PACRG: variants seen among roughly 807,000 people sequenced by gnomAD.
PACRG encodes the protein parkin coregulated gene protein.
A neutral mutation model predicts 29.7 loss-of-function variants in PACRG; 29 were observed. That is an observed-to-expected ratio of 0.98 (90% CI 0.73 to 1.33). PACRG has a LOEUF of 1.33. Among genes scored for constraint, PACRG ranks in the 40% most tolerant of loss-of-function variants. The pLI is 0.00. For missense variants in PACRG, 279 were observed against 316.2 expected, an observed-to-expected ratio of 0.88 and a Z score of 0.89; for synonymous variants, 116 against 118.7, an observed-to-expected ratio of 0.98 and a Z score of 0.15.
In PACRG at chr6:163,062,168, G is replaced by T; in HGVS notation, c.310G>T (p.Asp104Tyr). 2 of 1,614,014 alleles carry T rather than the reference G, an allele frequency of 1.2e-6. No individual in the cohort carries two copies. Among genetic ancestry groups the T allele is most frequent in the South Asian group, 1.1e-5 (1 of 91,044 alleles). ...CTTTCAGGTAGAAATTGAGAAGCTG[G>T]ATTACCATCATTATCTGCCTCTGTT... is the stretch of plus-strand genomic sequence containing the variant. ...IAWKVEIEKLDYHHYLPLFFD... is the reference protein window; with the variant it reads ...IAWKVEIEKLYYHHYLPLFFD... Residue 104 changes from aspartate to tyrosine, a missense_variant, in exon 3 of 5, where the codon GAT becomes TAT. By Grantham distance (160) the Asp-to-Tyr change is radical. Coordinates refer to ENST00000366888, the MANE Select transcript of PACRG (RefSeq NM_001080379.2).
At position 162,814,284 on chromosome 6, in the gene PACRG, A is replaced by G. The variant is rs1410269894; in HGVS notation, c.291+3A>G. 2.5e-6 allele frequency: 4 copies of G among 1,613,552 alleles called. No individual in the cohort carries two copies. The African/African-American group carries it at 5.3e-5, about 22-fold the overall frequency. Reference sequence around the variant, plus strand: ...AAGGAAACAAAATCGCCTGGAAGGTAAGTCAGGGCACAGCTGTGCCGGCCA... The same window carrying G: ...AAGGAAACAAAATCGCCTGGAAGGTGAGTCAGGGCACAGCTGTGCCGGCCA... On this transcript the variant is annotated splice_donor_region_variant and intron_variant, in intron 2 of 4. Transcript: ENST00000366888.
chr6:163,275,747 T>C (rs1784000772), intron 4 of PACRG, among the ~76,000 whole-genome samples: 1 of 152,200 alleles, frequency 6.6e-6, no homozygotes, highest in African/African-American at 2.4e-5. Context: ...ACATAGGATA[T>C]GGCTTTGTGA....
chr6:163,173,639 G>A (rs1779204911), intron 4 of PACRG, among the ~76,000 whole-genome samples: 1 of 152,124 alleles, frequency 6.6e-6, no homozygotes, highest in African/African-American at 2.4e-5. Context: ...TATGGTTTTT[G>A]CCTCAGGACC....
chr6:162,975,209 A>G (rs1801849684), intron 2 of PACRG, among the ~76,000 whole-genome samples: 1 of 152,212 alleles, frequency 6.6e-6, no homozygotes, highest in African/African-American at 2.4e-5. Context: ...TGGTAACTCA[A>G]GCTGTGCAAG....
At chr6:162,862,316 G>A (rs1037786535) in intron 2 of PACRG, among the ~76,000 whole-genome samples, 4 of 152,198 alleles carry the variant, frequency 2.6e-5, no homozygotes, top group African/African-American at 9.6e-5. Context: ...ATTACACTGG[G>A]AAGTGAGAGG....
intron 4 of PACRG, among the ~76,000 whole-genome samples, chr6:163,294,343 A>G (rs1050515052): frequency 6.6e-6 from 1 of 152,166 alleles, no homozygotes; most frequent in Non-Finnish European, 1.5e-5. Flanking sequence ...TAAAACCACT[A>G]AAAAAGCATA....
chr6:163,299,597 A>G (rs932942242), intron 4 of PACRG, among the ~76,000 whole-genome samples: 9 of 152,070 alleles, frequency 5.9e-5, no homozygotes, highest in African/African-American at 2.2e-4. Flanking sequence ...AAAACTAAAC[A>G]TAGGCCGGGC....
chr6:163,037,394 G>A (rs1180388464), intron 2 of PACRG, among the ~76,000 whole-genome samples: 1 of 152,232 alleles, frequency 6.6e-6, no homozygotes, highest in Non-Finnish European at 1.5e-5. Context: ...GCCCTTGGCT[G>A]TGGGCCTCCT....
chr6:163,181,215 C>T (rs1203457386), intron 4 of PACRG, among the ~76,000 whole-genome samples: 2 of 152,176 alleles, frequency 1.3e-5, no homozygotes, highest in African/African-American at 2.4e-5. Flanking sequence ...ACTTGCCTGA[C>T]CATTTTACTC....
chr6:162,730,235 A>C, intron 1 of PACRG, among the ~76,000 whole-genome samples: 1 of 152,200 alleles, frequency 6.6e-6, no homozygotes, highest in East Asian at 1.9e-4. Flanking sequence ...TCAGTGGTAC[A>C]GGAAATAAAA....
chr6:162,732,603 G>A (rs1235999291), intron 1 of PACRG, among the ~76,000 whole-genome samples: 3 of 152,308 alleles, frequency 2.0e-5, no homozygotes, highest in East Asian at 3.9e-4. Context: ...AGAGAGACAA[G>A]TAAAATAATT....
intron 4 of PACRG, among the ~76,000 whole-genome samples, chr6:163,269,825 A>AGGAAGG (rs869107418): frequency 0.072 from 2,765 of 38,218 alleles, 499 homozygotes; most frequent in Middle Eastern, 0.21. Flanking sequence ...AGGAAGGAGA[A>AGGAAGG]AGAAAGAAAG....
At chr6:162,911,392 C>T (rs1796292089) in intron 2 of PACRG, among the ~76,000 whole-genome samples, 1 of 152,188 alleles carries the variant, frequency 6.6e-6, no homozygotes. Flanking sequence ...GATTTTCTAC[C>T]TCCTATTACC....
chr6:162,814,137 TCC>T lies in PACRG; in HGVS notation c.157-9_157-8del. 6.3e-7 allele frequency: 1 copy of T among 1,592,556 alleles called. No homozygotes were observed. The highest frequency in any genetic ancestry group is 8.5e-7 in the Non-Finnish European group (1 of 1,171,974). On this transcript the variant is annotated splice_polypyrimidine_tract_variant and splice_region_variant and intron_variant, in intron 1 of 4. Transcript: ENST00000366888. ...AAAACCTGATCCCTATTTTTTTTTT[TCC>T]AATTAAGGTGAGAGGCCCTCCAGCT...
intron 1 of PACRG, among the ~76,000 whole-genome samples, chr6:162,764,592 A>G (rs1336084212): frequency 2.0e-5 from 3 of 152,066 alleles, no homozygotes; most frequent in African/African-American, 7.2e-5. Flanking sequence ...TCTATTAACT[A>G]TTTTCTGCTT....
intron 4 of PACRG, among the ~76,000 whole-genome samples, chr6:163,128,493 C>T (rs1816602203): frequency 6.6e-6 from 1 of 152,172 alleles, no homozygotes; most frequent in Non-Finnish European, 1.5e-5. Flanking sequence ...TGTCATTTCT[C>T]TTGTCTGTAG....
chr6:163,260,050 G>T (rs907675505), intron 4 of PACRG, among the ~76,000 whole-genome samples: 1 of 152,032 alleles, frequency 6.6e-6, no homozygotes, highest in Admixed American at 6.5e-5. Context: ...GGGCCATCCC[G>T]CCCCTCCAAG....
intron 1 of PACRG, among the ~76,000 whole-genome samples, chr6:162,747,363 T>TATAC (rs1387062456): frequency 8.5e-5 from 3 of 35,236 alleles, no homozygotes; most frequent in Admixed American, 7.6e-4. Context: ...TATATATATA[T>TATAC]ACACATACAT....
intron 2 of PACRG, among the ~76,000 whole-genome samples, chr6:162,875,227 AC>A (rs1793214324): frequency 6.6e-6 from 1 of 151,978 alleles, no homozygotes; most frequent in African/African-American, 2.4e-5. Flanking sequence ...ACATGCACAC[AC>A]AGACATGCAC....
Sources: allele counts gnomAD v4.1 joint callset (sites outside exome capture counted in the v4.1 genomes callset), GRCh38; gene constraint gnomAD v4.1.1; transcripts MANE v1.5; gene names NCBI Gene and HGNC (gene_info 2026-07-23, HGNC 2026-07-21).